HSF1: variants seen among roughly 807,000 people sequenced by gnomAD.
The protein encoded by HSF1 is heat shock factor protein 1.
In HSF1, 32 loss-of-function variants were observed where a neutral mutation model predicts 51.7. The ratio of observed to expected loss-of-function variants is 0.62; its 90% CI spans 0.47 to 0.83. The LOEUF is 0.83. Among genes scored for constraint, HSF1 ranks in the 40% least tolerant of loss-of-function variants. HSF1 has a pLI of 0.00. For missense variants in HSF1, 727 were observed against 717.0 expected, an observed-to-expected ratio of 1.01 and a Z score of -0.16; for synonymous variants, 396 against 309.7, an observed-to-expected ratio of 1.28 and a Z score of -2.92.
At chr8:144,298,466 G>A (rs983468552) in intron 1 of HSF1, among the ~76,000 whole-genome samples, 3 of 150,888 alleles carry the variant, frequency 2.0e-5, no homozygotes, top group South Asian at 4.2e-4. Context: ...ATAGCCAGGC[G>A]TGGTGGTGCG....
chr8:144,311,737 C>T lies in HSF1; in HGVS notation c.761C>T (p.Ala254Val), dbSNP rs150366176. Residue 254 changes from alanine (A) to valine (V), a missense_variant, in exon 8 of 13, where the codon GCC (alanine) becomes GTC (valine). By Grantham distance (64) the Ala-to-Val change is moderately conservative. Transcript: ENST00000528838. The stretch of plus-strand genomic sequence containing the variant: ...GCCTACAGCAGCTCCAGCCTCTACG[C>T]CCCTGATGCTGTGGCCAGCTCTGGA... The part of the protein sequence containing the change: ...SPAYSSSSLY[A>V]PDAVASSGPI... 61 of 1,612,768 alleles carry T rather than the reference C, an allele frequency of 3.8e-5. No homozygotes were observed. In the African/African-American group the frequency reaches 7.1e-4, roughly 19 times the overall value.
chr8:144,306,278 C>A (rs1588648008), intron 1 of HSF1, among the ~76,000 whole-genome samples: 1 of 139,478 alleles, frequency 7.2e-6, no homozygotes, highest in Non-Finnish European at 1.6e-5. Context: ...TATTGATTGC[C>A]TTTTTTTTTT....
At position 144,313,907 on chromosome 8, in the gene HSF1, C is replaced by T. The variant is rs373385331; in HGVS notation, c.1310C>T (p.Ala437Val). The change falls in exon 11 of 13, where the codon GCC becomes GTC. Residue 437 changes from alanine (A) to valine (V), a missense_variant. Ala to Val is a moderately conservative substitution (Grantham distance 64). This residue lies in a region of HSF1 where 470 missense variants were observed against 398.8 expected (regional missense o/e 1.18). Coordinates refer to ENST00000528838, the MANE Select transcript of HSF1 (RefSeq NM_005526.4). The stretch of plus-strand genomic sequence containing the variant: ...CTGCCTGACCTTGACAGCAGCCTGG[C>T]CAGTGTGCGTAGGCGGGCGGGGGGT... ...MSLPDLDSSL[A>V]SIQELLSPQE... is the part of the protein sequence containing the mutation. 9.9e-6 allele frequency: 16 copies of T among 1,609,452 alleles called. No homozygotes were observed. The highest frequency in any genetic ancestry group is 1.4e-5 in the African/African-American group (1 of 73,700).
In HSF1 at chr8:144,313,981, A is replaced by C. The variant is rs782240972; in HGVS notation, c.1315-4A>C. The C allele has an allele frequency of 1.2e-6, 2 of 1,610,468 alleles. No homozygotes were observed. The highest frequency in any genetic ancestry group is 8.5e-7 in the Non-Finnish European group (1 of 1,179,274). ...GTGCTCACAATACCGTCTCCACCCCACAGATCCAAGAGCTCCTGTCTCCCC... is the reference window on the plus strand; with the variant it reads ...GTGCTCACAATACCGTCTCCACCCCCCAGATCCAAGAGCTCCTGTCTCCCC... On this transcript the variant is annotated splice_region_variant and splice_polypyrimidine_tract_variant and intron_variant, in intron 11 of 12. Coordinates refer to ENST00000528838, the MANE Select transcript of HSF1 (RefSeq NM_005526.4).
intron 1 of HSF1, among the ~76,000 whole-genome samples, chr8:144,294,574 G>A (rs1554840971): frequency 6.6e-6 from 1 of 152,226 alleles, no homozygotes; most frequent in Admixed American, 6.5e-5. Context: ...CCAGAAACTG[G>A]CCAGTAACTT....
intron 4 of HSF1, 67 bp downstream of exon 4, chr8:144,309,963 G>A: frequency 6.4e-7 from 1 of 1,564,030 alleles, no homozygotes; most frequent in Non-Finnish European, 8.7e-7. Context: ...CCCGGGTGCT[G>A]TGGGGGCAGG....
intron 4 of HSF1, chr8:144,310,607 A>G (rs1205256285): frequency 1.8e-5 from 3 of 162,620 alleles, no homozygotes; most frequent in African/African-American, 7.2e-5. Flanking sequence ...GAGTCCGGCC[A>G]CGTGGACCTG....
At chr8:144,296,218 T>G (rs1042086326) in intron 1 of HSF1, among the ~76,000 whole-genome samples, 3 of 152,094 alleles carry the variant, frequency 2.0e-5, no homozygotes, top group African/African-American at 2.4e-5. Flanking sequence ...CGTCCACTCA[T>G]AAGCACACGA....
At chr8:144,300,898 A>G (rs1181408013) in intron 1 of HSF1, among the ~76,000 whole-genome samples, 2 of 152,226 alleles carry the variant, frequency 1.3e-5, no homozygotes, top group African/African-American at 4.8e-5. Flanking sequence ...GGTGTAGGGC[A>G]TGTATTCTAA....
Position 144,313,839 on chromosome 8 carries a change from T to C in HSF1, c.1249-7T>C. ...GTGCTGTTCTGACTTCCCTCCCTCCTCCGCAGCTGTTCAGCCCCTCGGTGA... is the reference window on the plus strand; with the variant it reads ...GTGCTGTTCTGACTTCCCTCCCTCCCCCGCAGCTGTTCAGCCCCTCGGTGA... On this transcript the variant is annotated splice_region_variant and splice_polypyrimidine_tract_variant and intron_variant, in intron 10 of 12. Coordinates refer to ENST00000528838, the MANE Select transcript of HSF1 (RefSeq NM_005526.4). The C allele has an allele frequency of 6.5e-7, 1 of 1,543,772 alleles. No homozygotes were observed. Among genetic ancestry groups the C allele is most frequent in the Non-Finnish European group, 8.7e-7 (1 of 1,149,940 alleles).
Position 144,291,691 on chromosome 8 carries a change from C to G in HSF1, c.-67C>G. ...GCGGCCCGGAAGGCTGGCGCGGCGA[C>G]GGCGTTAGCCCGGCCCTCGGCCCCT... On this transcript the variant is annotated 5_prime_UTR_variant, in exon 1 of 13. Coordinates refer to ENST00000528838, the MANE Select transcript of HSF1 (RefSeq NM_005526.4). The surrounding 1 kb of genome is among the most constrained non-coding windows in gnomAD (Gnocchi z 4.1). 1.1e-6 allele frequency: 1 copy of G among 925,514 alleles called. No individual in the cohort carries two copies. Among genetic ancestry groups the G allele is most frequent in the Non-Finnish European group, 1.5e-6 (1 of 648,564 alleles). 57.3% of individuals were successfully genotyped at this position (925,514 alleles called of 1,614,324 possible). A position where few individuals can be genotyped will look rare whatever the true frequency, so the allele number is the denominator to read the frequency against.
chr8:144,301,611 A>G (rs1432301952), intron 1 of HSF1, among the ~76,000 whole-genome samples: 2 of 152,096 alleles, frequency 1.3e-5, no homozygotes, highest in Admixed American at 6.5e-5. Flanking sequence ...TCACGCCTGT[A>G]ATCCCAGCAC....
In HSF1 at chr8:144,314,276, C is replaced by T. The variant is rs1817071853; in HGVS notation, c.1536C>T (p.Ile512=). ...EGDGFAEDPT[I]SLLTGSEPPK... is the part of the protein sequence containing the mutation. ...ACGGCTTCGCCGAGGACCCCACCATCTCCCTGCTGACAGGCTCGGAGCCTC... is the reference window on the plus strand; with the variant it reads ...ACGGCTTCGCCGAGGACCCCACCATTTCCCTGCTGACAGGCTCGGAGCCTC... Residue 512 remains isoleucine, a synonymous_variant, in exon 13 of 13, where the codon ATC becomes ATT. Coordinates refer to ENST00000528838, the MANE Select transcript of HSF1 (RefSeq NM_005526.4). 1.3e-6 allele frequency: 2 copies of T among 1,550,954 alleles called. No individual in the cohort carries two copies. The highest frequency in any genetic ancestry group is 1.7e-6 in the Non-Finnish European group (2 of 1,147,296).
intron 4 of HSF1, 71 bp downstream of exon 4, chr8:144,309,967 G>A: frequency 6.4e-7 from 1 of 1,556,272 alleles, no homozygotes; most frequent in Non-Finnish European, 8.7e-7. Context: ...GGTGCTGTGG[G>A]GGCAGGGCCC....
At chr8:144,296,932 G>GA (rs1307790717) in intron 1 of HSF1, among the ~76,000 whole-genome samples, 1 of 151,990 alleles carries the variant, frequency 6.6e-6, no homozygotes, top group African/African-American at 2.4e-5. Flanking sequence ...TGTGGTGGGG[G>GA]GGGTGCGGTG....
Position 144,314,203 on chromosome 8 carries a change from T to C in HSF1, c.1463T>C (p.Leu488Pro), listed in dbSNP as rs868913091. 3.9e-6 allele frequency: 6 copies of C among 1,547,950 alleles called. No homozygotes were observed. The African/African-American group carries it at 8.3e-5, about 21-fold the overall frequency. ...TCCGTGGACACCGGGAGCAACGACC[T>C]GCCGGTGCTGTTTGAGCTGGGAGAG... ...PGSVDTGSND[L>P]PVLFELGEGS... The change falls in exon 13 of 13, where the codon CTG (leucine) becomes CCG (proline). Residue 488 changes from leucine to proline, a missense_variant. By Grantham distance (98) the Leu-to-Pro change is moderately conservative. This residue lies in a region of HSF1 where 470 missense variants were observed against 398.8 expected (regional missense o/e 1.18). Transcript: ENST00000528838.
chr8:144,300,439 A>C (rs193295184), intron 1 of HSF1, among the ~76,000 whole-genome samples: 18 of 152,014 alleles, frequency 1.2e-4, no homozygotes, highest in East Asian at 7.8e-4. Flanking sequence ...GGATGGTCTC[A>C]ATCTCCTGAC....
At chr8:144,296,897 C>T (rs1815501888) in intron 1 of HSF1, among the ~76,000 whole-genome samples, 1 of 149,628 alleles carries the variant, frequency 6.7e-6, no homozygotes, top group Non-Finnish European at 1.5e-5. Context: ...GCTGTAGCCT[C>T]CTGTGTTTCC....
At chr8:144,298,280 A>C (rs1815605040) in intron 1 of HSF1, among the ~76,000 whole-genome samples, 1 of 152,124 alleles carries the variant, frequency 6.6e-6, no homozygotes, top group Non-Finnish European at 1.5e-5. Context: ...AAGGCATAAG[A>C]AGCCGCTGAA....
Sources: gnomAD v4.1 joint callset for allele counts (sites outside exome capture counted in the v4.1 genomes callset) on GRCh38, gnomAD v4.1.1 for gene constraint, gnomAD v4.1.1 regional missense constraint, Gnocchi (gnomAD v3.1) non-coding constraint, MANE v1.5 for transcripts, NCBI Gene and HGNC (gene_info 2026-07-23, HGNC 2026-07-21) for gene names.